The following CADPS variants were observed in gnomAD, a reference collection of about 807,000 sequenced individuals.
CADPS encodes the protein calcium dependent secretion activator.
A neutral mutation model predicts 167.3 loss-of-function variants in CADPS; 57 were observed. The observed-to-expected ratio is 0.34, with a 90% CI of 0.28 to 0.42. The LOEUF (loss-of-function observed/expected upper bound fraction) is 0.42, where lower values mean the gene tolerates loss of function less well. Ranked by LOEUF, CADPS falls within the 20% of genes least tolerant of loss-of-function variation. The pLI is 1.00. For synonymous variants in CADPS, 676 were observed against 635.3 expected (o/e 1.06, Z -0.96); for missense variants, 1,414 against 1,738.1 (o/e 0.81, Z 3.32).
chr3:62,456,676 T>A (rs1339956910), intron 26 of CADPS, among the ~76,000 whole-genome samples: 1 of 151,758 alleles, frequency 6.6e-6, no homozygotes, highest in Non-Finnish European at 1.5e-5. Context: ...GTGGTACATA[T>A]CCTGCACTTG....
At chr3:62,623,962 C>G (rs542976800) in intron 6 of CADPS, among the ~76,000 whole-genome samples, 3 of 23,632 alleles carry the variant, frequency 1.3e-4, no homozygotes, top group Admixed American at 1.7e-3. Context: ...GTTGTCACCA[C>G]GAGGGTGGGG....
At position 62,626,691 on chromosome 3, in the gene CADPS, A is replaced by G. The variant is rs2064154384; in HGVS notation, c.1325+19031T>C. The G allele has an allele frequency of 5.3e-6, 3 of 561,396 alleles. No homozygotes were observed. The South Asian group carries it at 6.9e-5, about 13-fold the overall frequency. 34.8% of individuals were successfully genotyped at this position (561,396 alleles called of 1,614,324 possible). ...GTTCCTTCTGCAGGGAACAGAATCA[A>G]TCTAGAATTTACTAACATGGTTTTT... On this transcript the variant is annotated intron_variant, in intron 6 of 29. Transcript: ENST00000383710.
chr3:62,400,945 C>A (rs1705856060), intron 29 of CADPS, among the ~76,000 whole-genome samples: 1 of 152,132 alleles, frequency 6.6e-6, no homozygotes, highest in African/African-American at 2.4e-5. Context: ...ATGATAGCAA[C>A]AATCACAATG....
At chr3:62,872,406 T>A (rs569179772) in intron 1 of CADPS, among the ~76,000 whole-genome samples, 1 of 152,166 alleles carries the variant, frequency 6.6e-6, no homozygotes, top group Admixed American at 6.5e-5. Context: ...TAAGGAGATA[T>A]ATATATATAT....
At chr3:62,521,222 GA>G (rs890488723) in intron 13 of CADPS, among the ~76,000 whole-genome samples, 7 of 151,866 alleles carry the variant, frequency 4.6e-5, no homozygotes, top group African/African-American at 1.7e-4. Context: ...CTGTTCTAGA[GA>G]AAAAAAATAT....
intron 3 of CADPS, among the ~76,000 whole-genome samples, chr3:62,693,045 GT>G (rs2079504336): frequency 2.7e-5 from 4 of 149,822 alleles, no homozygotes; most frequent in Non-Finnish European, 5.9e-5. Context: ...TGGCCATCAA[GT>G]TTTTCCCCAT....
At chr3:62,808,922 C>G (rs1240726364) in intron 1 of CADPS, among the ~76,000 whole-genome samples, 1 of 152,090 alleles carries the variant, frequency 6.6e-6, no homozygotes, top group Non-Finnish European at 1.5e-5. Context: ...CCTCCTCCAA[C>G]TCTTCCTCCT....
In CADPS at chr3:62,403,103, T is replaced by A. The variant is rs761631358; in HGVS notation, c.3860A>T (p.Lys1287Ile). 6.2e-7 allele frequency: 1 copy of A among 1,609,390 alleles called. No homozygotes were observed. Among genetic ancestry groups the A allele is most frequent in the Non-Finnish European group, 8.5e-7 (1 of 1,175,828 alleles). The change falls in exon 29 of 30, where the codon AAA becomes ATA. Residue 1287 changes from lysine (K) to isoleucine (I), a missense_variant. By Grantham distance (102) the Lys-to-Ile change is moderately radical. Transcript: ENST00000383710. Reference sequence around the variant, plus strand: ...TACCTTTACCATCCTAATTAGTGTTTTCAACTGATAAATATGAAGCTGTAA... The same window carrying A: ...TACCTTTACCATCCTAATTAGTGTTATCAACTGATAAATATGAAGCTGTAA... ...MDLQLHIYQL[K>I]TLIRMVKKTY...
At chr3:62,788,318 T>C (rs2092642629) in intron 1 of CADPS, among the ~76,000 whole-genome samples, 2 of 152,184 alleles carry the variant, frequency 1.3e-5, no homozygotes, top group African/African-American at 4.8e-5. Flanking sequence ...CAATTTCCTC[T>C]AGAGTTCTGC....
intron 1 of CADPS, among the ~76,000 whole-genome samples, chr3:62,837,584 C>T (rs897163949): frequency 5.3e-5 from 8 of 152,150 alleles, no homozygotes; most frequent in African/African-American, 1.9e-4. Context: ...ACAGCTGTTT[C>T]GTTTTGATAC....
At chr3:62,600,109 C>T (rs1409317348) in intron 6 of CADPS, among the ~76,000 whole-genome samples, 1 of 147,570 alleles carries the variant, frequency 6.8e-6, no homozygotes, top group Non-Finnish European at 1.5e-5. Flanking sequence ...TGTGACTGCC[C>T]CTTTCAACTG....
chr3:62,652,310 C>A (rs1017729079), intron 4 of CADPS, among the ~76,000 whole-genome samples: 3 of 149,254 alleles, frequency 2.0e-5, no homozygotes, highest in African/African-American at 7.5e-5. Context: ...TGTGCATAGG[C>A]ATAGCTTATG....
Position 62,721,139 on chromosome 3 carries a change from A to ATTTTTTTTTTTTT in CADPS, c.888+32301_888+32302insAAAAAAAAAAAAA, listed in dbSNP as rs1268261563. 1.9e-3 allele frequency among the ~76,000 whole-genome samples: 219 copies of ATTTTTTTTTTTTT among 113,016 alleles called. 10 individuals are homozygous for ATTTTTTTTTTTTT. Among genetic ancestry groups the ATTTTTTTTTTTTT allele is most frequent in the Middle Eastern group, 4.7e-3 (1 of 212 alleles). 74.1% of individuals were successfully genotyped at this position (113,016 alleles called of 152,430 possible). A position where few individuals can be genotyped will look rare whatever the true frequency, so the allele number is the denominator to read the frequency against. Reference sequence around the variant, plus strand: ...GCAGGTTTTTTTTTTTTTTTTAAAAAAAAAAAGAAGAAAAAAGAAAAAGTA... The same window carrying ATTTTTTTTTTTTT: ...GCAGGTTTTTTTTTTTTTTTTAAAAATTTTTTTTTTTTTAAAAAAGAAGAAAAAAGAAAAAGTA... On this transcript the variant is annotated intron_variant, in intron 3 of 29. Coordinates refer to ENST00000383710, the MANE Select transcript of CADPS (RefSeq NM_003716.4).
intron 21 of CADPS, among the ~76,000 whole-genome samples, chr3:62,483,054 G>C (rs1157495343): frequency 6.6e-6 from 1 of 151,990 alleles, no homozygotes; most frequent in African/African-American, 2.4e-5. Context: ...TCTCAGTAGT[G>C]GCATTTTAAG....
chr3:62,765,885 G>A lies in CADPS; in HGVS notation c.541C>T (p.Gln181Ter), dbSNP rs1255912612. The A allele has an allele frequency of 6.2e-7, 1 of 1,610,090 alleles. No individual in the cohort carries two copies. Reference protein sequence around the residue: ...MADEAFMNAVQSYYEVFLKSD... With the variant: ...MADEAFMNAV ...GTGATTCTCACCTCATAGTAACTCT[G>A]CACAGCGTTCATGAAGGCTTCGTCA... is the stretch of plus-strand genomic sequence containing the variant. The change falls in exon 2 of 30, where the codon CAG becomes TAG. Residue 181 changes from glutamine (Q) to a stop codon, truncating the protein, a stop_gained. Coordinates refer to ENST00000383710, the MANE Select transcript of CADPS (RefSeq NM_003716.4). LOFTEE classifies it high-confidence loss of function.
chr3:62,491,408 T>C lies in CADPS; in HGVS notation c.2957A>G (p.Asp986Gly). 6.2e-7 allele frequency: 1 copy of C among 1,614,122 alleles called. No homozygotes were observed. The highest frequency in any genetic ancestry group is 2.2e-5 in the East Asian group (1 of 44,884). Residue 986 changes from aspartate to glycine, a missense_variant, in exon 21 of 30, where the codon GAT (aspartate) becomes GGT (glycine). By Grantham distance (94) the Asp-to-Gly change is moderately conservative. Coordinates refer to ENST00000383710, the MANE Select transcript of CADPS (RefSeq NM_003716.4). The stretch of plus-strand genomic sequence containing the variant: ...TTGTGCAATTGAGGACTCCATCAGA[T>C]CCACATATCTAACAACAAGTGGGGC... ...LFAPLVVRYV[D>G]LMESSIAQSI...
chr3:62,733,307 C>A (rs970711060), intron 3 of CADPS, among the ~76,000 whole-genome samples: 2 of 152,144 alleles, frequency 1.3e-5, no homozygotes, highest in Admixed American at 6.5e-5. Flanking sequence ...GTAATGAAGG[C>A]AAAGATGCCA....
chr3:62,458,300 C>T lies in CADPS; in HGVS notation c.3636+7067G>A, dbSNP rs902545255. 6.6e-5 allele frequency among the ~76,000 whole-genome samples: 10 copies of T among 152,240 alleles called. No homozygotes were observed. The highest frequency in any genetic ancestry group is 2.1e-4 in the South Asian group (1 of 4,826). ...AGATGAAGAAACCAAGGCTCAGAAACGGTCAATAGCCTGCCTACGTTTCTG... is the reference window on the plus strand; with the variant it reads ...AGATGAAGAAACCAAGGCTCAGAAATGGTCAATAGCCTGCCTACGTTTCTG... On this transcript the variant is annotated intron_variant, in intron 26 of 29. Coordinates refer to ENST00000383710, the MANE Select transcript of CADPS (RefSeq NM_003716.4). This position sits in a 1 kb window ranked among gnomAD's most constrained non-coding sequence, Gnocchi z 4.6.
At chr3:62,487,982 T>C (rs1465199186) in intron 21 of CADPS, among the ~76,000 whole-genome samples, 6 of 152,252 alleles carry the variant, frequency 3.9e-5, no homozygotes, top group African/African-American at 1.4e-4. Context: ...TTTCTCATTT[T>C]ACTTATAACG....
Sources: allele counts gnomAD v4.1 joint callset (sites outside exome capture counted in the v4.1 genomes callset), GRCh38; gene constraint gnomAD v4.1.1; non-coding constraint Gnocchi (gnomAD v3.1); transcripts MANE v1.5; gene names NCBI Gene and HGNC (gene_info 2026-07-23, HGNC 2026-07-21).